The following VAPA variants were observed in gnomAD, a reference collection of about 807,000 sequenced individuals.
VAPA encodes the protein vesicle-associated membrane protein-associated protein A.
In VAPA, 6 loss-of-function variants were observed where a neutral mutation model predicts 25.6. The observed-to-expected ratio is 0.23, with a 90% CI of 0.13 to 0.46. The LOEUF (loss-of-function observed/expected upper bound fraction) is 0.46, where lower values mean the gene tolerates loss of function less well. Among genes scored for constraint, VAPA ranks in the 20% least tolerant of loss-of-function variants. The probability of loss-of-function intolerance (pLI) is 0.99; values close to 1 mark genes in which losing one functional copy is unlikely to be tolerated. For synonymous variants in VAPA, 112 were observed against 106.2 expected (o/e 1.05, Z -0.34); for missense variants, 244 against 302.1 (o/e 0.81, Z 1.43).
intron 1 of VAPA, among the ~76,000 whole-genome samples, chr18:9,923,029 A>G (rs889116731): frequency 6.6e-6 from 1 of 152,226 alleles, no homozygotes; most frequent in Admixed American, 6.5e-5. Context: ...ATTCTGTAAC[A>G]CATATTTCAC....
rs1259883527 is a variant in VAPA at position 9,936,970 on chromosome 18, TTTTG to T, written c.337-12_337-9del. The T allele has an allele frequency of 3.7e-6, 6 of 1,611,480 alleles. No individual in the cohort carries two copies. Among genetic ancestry groups the T allele is most frequent in the Non-Finnish European group, 5.1e-6 (6 of 1,177,904 alleles). On this transcript the variant is annotated splice_polypyrimidine_tract_variant and intron_variant, in intron 3 of 5. Transcript: ENST00000400000. ...CATACCTCCTATGTCTCATGTTTGGTTTTGTTTATTTTTAGTGGAAAGAGGCAAA... is the reference window on the plus strand; with the variant it reads ...CATACCTCCTATGTCTCATGTTTGGTTTTATTTTTAGTGGAAAGAGGCAAA...
intron 4 of VAPA, chr18:9,948,319 C>T (rs1357657788): frequency 1.3e-5 from 2 of 151,940 alleles, no homozygotes; most frequent in Non-Finnish European, 2.9e-5. Context: ...GGAAAGCTGC[C>T]CATCAAATGC....
At position 9,956,787 on chromosome 18, in the gene VAPA, T is replaced by C. The variant is rs1193604490; in HGVS notation, c.*2576T>C. On this transcript the variant is annotated 3_prime_UTR_variant, in exon 6 of 6. Transcript: ENST00000400000. ...GCCTGCTTACTTGTATATGTAAGCA[T>C]GAGGGAAATACACTGTTGCTAATAC... The C allele has an allele frequency of 6.6e-6, 1 of 152,366 alleles. No individual in the cohort carries two copies. Among genetic ancestry groups the C allele is most frequent in the Non-Finnish European group, 1.5e-5 (1 of 68,024 alleles). 9.4% of individuals were successfully genotyped at this position (152,366 alleles called of 1,614,324 possible).
At chr18:9,944,375 A>G (rs29136) in intron 4 of VAPA, among the ~76,000 whole-genome samples, 2,313 of 152,302 alleles carry the variant, frequency 0.015, 60 homozygotes, top group African/African-American at 0.053. Flanking sequence ...TATTTTATCT[A>G]TTAAAGGAAT....
intron 4 of VAPA, among the ~76,000 whole-genome samples, chr18:9,939,068 A>T (rs2069339991): frequency 6.6e-6 from 1 of 152,198 alleles, no homozygotes; most frequent in Non-Finnish European, 1.5e-5. Context: ...TATATCCTTA[A>T]TATCAAGCTG....
At chr18:9,950,196 G>A (rs565048499) in intron 4 of VAPA, 199 bp from the exon 5 acceptor site, 134 of 542,198 alleles carry the variant, frequency 2.5e-4, no homozygotes, top group Non-Finnish European at 4.0e-4. Context: ...AAAGTGCTAT[G>A]GTAGAGGTAC....
chr18:9,917,786 C>G (rs1205635383), intron 1 of VAPA, among the ~76,000 whole-genome samples: 1 of 151,788 alleles, frequency 6.6e-6, no homozygotes, highest in Non-Finnish European at 1.5e-5. Context: ...GCTAGTGCAT[C>G]TGCATAGAAG....
Position 9,937,159 on chromosome 18 carries a change from T to C in VAPA, c.417+93T>C, listed in dbSNP as rs184438613. 8.9e-4 allele frequency: 854 copies of C among 962,202 alleles called. 4 individuals carry two copies. In the African/African-American group the frequency reaches 0.012, roughly 14 times the overall value. 59.6% of individuals were successfully genotyped at this position (962,202 alleles called of 1,614,324 possible). On this transcript the variant is annotated intron_variant, in intron 4 of 5. Transcript: ENST00000400000. ...TTATTTTTGACCTTTGAGGTATGTGTGATATGGCTATTACACTTCATAAGA... is the reference window on the plus strand; with the variant it reads ...TTATTTTTGACCTTTGAGGTATGTGCGATATGGCTATTACACTTCATAAGA...
At chr18:9,926,111 A>G (rs2069198225) in intron 1 of VAPA, among the ~76,000 whole-genome samples, 1 of 152,194 alleles carries the variant, frequency 6.6e-6, no homozygotes, top group African/African-American at 2.4e-5. Flanking sequence ...GTTAAATAAC[A>G]TAGTTCATAC....
At chr18:9,932,224 C>T (rs145522566) in intron 2 of VAPA, among the ~76,000 whole-genome samples, 111 of 152,294 alleles carry the variant, frequency 7.3e-4, no homozygotes, top group African/African-American at 2.4e-3. Flanking sequence ...CTAACCACTA[C>T]CTTCTCTGCC....
At chr18:9,942,023 GTTAAC>G (rs1415019857) in intron 4 of VAPA, among the ~76,000 whole-genome samples, 3 of 152,156 alleles carry the variant, frequency 2.0e-5, no homozygotes, top group South Asian at 2.1e-4. Flanking sequence ...TAAAAAGTAT[GTTAAC>G]TTAAGCAAAA....
In VAPA at chr18:9,917,033, A is replaced by G. The variant is rs2069117345; in HGVS notation, c.79+2698A>G. Among the ~76,000 whole-genome samples, 4 of 152,246 alleles carry G rather than the reference A, an allele frequency of 2.6e-5. No homozygotes were observed. The South Asian group carries it at 8.3e-4, about 31-fold the overall frequency. On this transcript the variant is annotated intron_variant, in intron 1 of 5. Transcript: ENST00000400000. Reference sequence around the variant, plus strand: ...TTCTGTATACCTCAGTATTTAAAAAAAAGTTTGTTTTATACAGTCGTTAAC... The same window carrying G: ...TTCTGTATACCTCAGTATTTAAAAAGAAGTTTGTTTTATACAGTCGTTAAC...
intron 5 of VAPA, 111 bp downstream of exon 5, chr18:9,950,679 T>C (rs1046961982): frequency 2.5e-6 from 3 of 1,177,716 alleles, no homozygotes; most frequent in Non-Finnish European, 3.5e-6. Flanking sequence ...GTCAGTTCTT[T>C]CTTCTTTGCC....
At chr18:9,940,932 T>G (rs1599111165) in intron 4 of VAPA, among the ~76,000 whole-genome samples, 6 of 152,314 alleles carry the variant, frequency 3.9e-5, no homozygotes, top group Admixed American at 3.9e-4. Context: ...ATGTGTATGT[T>G]AAAGAGAGGC....
intron 1 of VAPA, among the ~76,000 whole-genome samples, chr18:9,916,893 A>G (rs2069116150): frequency 6.6e-6 from 1 of 152,190 alleles, no homozygotes; most frequent in South Asian, 2.1e-4. Context: ...GACTCAGGTA[A>G]TCATTCTGAG....
chr18:9,937,344 C>T (rs1375662733), intron 4 of VAPA, among the ~76,000 whole-genome samples: 1 of 151,344 alleles, frequency 6.6e-6, no homozygotes, highest in African/African-American at 2.4e-5. Flanking sequence ...TGACGTAAAC[C>T]ACTGCAGGTT....
At chr18:9,919,231 A>G (rs1459219074) in intron 1 of VAPA, among the ~76,000 whole-genome samples, 1 of 152,238 alleles carries the variant, frequency 6.6e-6, no homozygotes, top group Non-Finnish European at 1.5e-5. Flanking sequence ...CAGAAACAAT[A>G]TGCATATCTA....
chr18:9,947,817 T>C (rs1337732648), intron 4 of VAPA: 3 of 152,206 alleles, frequency 2.0e-5, no homozygotes, highest in Admixed American at 1.3e-4. Flanking sequence ...TGCTTAATTT[T>C]TTCCATCAGG....
At chr18:9,948,883 T>C (rs1272822320) in intron 4 of VAPA, 1 of 152,244 alleles carries the variant, frequency 6.6e-6, no homozygotes, top group Non-Finnish European at 1.5e-5. Context: ...TTTAAGTTTT[T>C]ATCAGTTTTC....
Sources: gnomAD v4.1 joint callset for allele counts (sites outside exome capture counted in the v4.1 genomes callset) on GRCh38, gnomAD v4.1.1 for gene constraint, MANE v1.5 for transcripts, NCBI Gene and HGNC (gene_info 2026-07-23, HGNC 2026-07-21) for gene names.